TANC2: variants seen among roughly 807,000 people sequenced by gnomAD.
TANC2 encodes tetratricopeptide repeat, ankyrin repeat and coiled-coil containing 2.
A neutral mutation model predicts 210.5 loss-of-function variants in TANC2; 26 were observed. The observed-to-expected ratio is 0.12, with a 90% CI of 0.09 to 0.17. The LOEUF is 0.17. TANC2 is among the 10% of genes least tolerant of loss of function. The probability of loss-of-function intolerance (pLI) is 1.00; values close to 1 mark genes in which losing one functional copy is unlikely to be tolerated. For synonymous variants in TANC2, 931 were observed against 967.1 expected, an observed-to-expected ratio of 0.96 and a Z score of 0.69; for missense variants, 2,129 against 2,608.9, an observed-to-expected ratio of 0.82 and a Z score of 4.01.
At chr17:63,039,496 C>T (rs1032719514) in intron 2 of TANC2, among the ~76,000 whole-genome samples, 1 of 152,122 alleles carries the variant, frequency 6.6e-6, no homozygotes, top group Non-Finnish European at 1.5e-5. Context: ...GGTTTGAGTG[C>T]GTTCAATATA....
Position 63,099,368 on chromosome 17 carries a change from T to TACCTAAATTTAGTATGTTTAACAGGAA in TANC2, c.322+18_322+44dup. On this transcript the variant is annotated intron_variant, in intron 4 of 27. Transcript: ENST00000689528. ...TGAAGAAGTTAACTGGTAAGGACTT[T>TACCTAAATTTAGTATGTTTAACAGGAA]ACCTAAATTTAGTATGTTTAACAGG... is the stretch of plus-strand genomic sequence containing the variant. 2.0e-6 allele frequency: 3 copies of TACCTAAATTTAGTATGTTTAACAGGAA among 1,482,302 alleles called. No homozygotes were observed. The highest frequency in any genetic ancestry group is 2.7e-6 in the Non-Finnish European group (3 of 1,106,662). The allele number at this position is 1,482,302 out of a possible 1,614,324, so 91.8% of individuals were successfully genotyped here. A position where few individuals can be genotyped will look rare whatever the true frequency, so the allele number is the denominator to read the frequency against.
intron 1 of TANC2, among the ~76,000 whole-genome samples, chr17:63,002,924 A>T (rs992568400): frequency 1.3e-5 from 2 of 152,196 alleles, no homozygotes; most frequent in East Asian, 3.9e-4. Flanking sequence ...TAAATCTGTT[A>T]TGAAAATTGT....
chr17:63,168,063 T>A (rs746348227), intron 5 of TANC2, among the ~76,000 whole-genome samples: 1 of 152,186 alleles, frequency 6.6e-6, no homozygotes, highest in Admixed American at 6.5e-5. Flanking sequence ...CCTAGGTGAG[T>A]TAATTTTTAA....
chr17:63,188,536 T>G (rs1046686075), intron 5 of TANC2, among the ~76,000 whole-genome samples: 2 of 145,034 alleles, frequency 1.4e-5, no homozygotes, highest in African/African-American at 5.2e-5. Flanking sequence ...GAGGTTGCAG[T>G]GAGCTGAGCC....
chr17:63,393,038 A>T (rs1301965121), intron 17 of TANC2, among the ~76,000 whole-genome samples: 1 of 152,186 alleles, frequency 6.6e-6, no homozygotes, highest in African/African-American at 2.4e-5. Context: ...TCATTTTTGC[A>T]TTAGAGAATC....
intron 5 of TANC2, among the ~76,000 whole-genome samples, chr17:63,167,028 G>A (rs1193064962): frequency 6.6e-6 from 1 of 152,194 alleles, no homozygotes; most frequent in African/African-American, 2.4e-5. Context: ...TATGAATGGA[G>A]AAAGAAAGCA....
At chr17:63,135,113 G>C (rs536455038) in intron 4 of TANC2, among the ~76,000 whole-genome samples, 1 of 152,246 alleles carries the variant, frequency 6.6e-6, no homozygotes, top group East Asian at 1.9e-4. Context: ...CTACTTGGGA[G>C]GCTGAGATGG....
intron 12 of TANC2, among the ~76,000 whole-genome samples, chr17:63,343,593 G>A (rs1424522054): frequency 6.6e-6 from 1 of 152,218 alleles, no homozygotes; most frequent in Non-Finnish European, 1.5e-5. Context: ...ATAGCAGCTA[G>A]TATGGTAACT....
chr17:63,201,006 A>G, intron 7 of TANC2, 49 bp downstream of exon 7: 3 of 1,515,418 alleles, frequency 2.0e-6, no homozygotes, highest in Non-Finnish European at 2.7e-6. Context: ...TTTCCTTTTT[A>G]AAATAATTAC....
intron 5 of TANC2, among the ~76,000 whole-genome samples, chr17:63,178,290 G>A (rs1229280016): frequency 6.6e-6 from 1 of 152,062 alleles, no homozygotes; most frequent in African/African-American, 2.4e-5. Context: ...CCGAGATCGC[G>A]CCACTGCACT....
chr17:63,370,952 G>A lies in TANC2; in HGVS notation c.2583-8766G>A, dbSNP rs1331343043. Among the ~76,000 whole-genome samples, 4 of 152,214 alleles carry A rather than the reference G, an allele frequency of 2.6e-5. No individual in the cohort carries two copies. The East Asian group carries it at 7.7e-4, about 29-fold the overall frequency. On this transcript the variant is annotated intron_variant, in intron 14 of 27. Transcript: ENST00000689528. ...AACAAGAACTCTTGACTTGGAAGGC[G>A]AGCACAATCTTTGGAGGCCGCCAGC...
At chr17:63,181,023 C>CAAAAA (rs1171748208) in intron 5 of TANC2, among the ~76,000 whole-genome samples, 2 of 30,668 alleles carry the variant, frequency 6.5e-5, no homozygotes, top group Non-Finnish European at 1.3e-4. Context: ...GACTCCATCT[C>CAAAAA]AAAAAAAAAA....
chr17:63,314,632 A>T, exon 10 of TANC2: 2 of 1,613,982 alleles, frequency 1.2e-6, no homozygotes, highest in Non-Finnish European at 1.7e-6. Context: ...CAAGGATGAG[A>T]CAGATCGCCT....
At chr17:63,288,076 C>G (rs2044279294) in intron 9 of TANC2, among the ~76,000 whole-genome samples, 1 of 152,124 alleles carries the variant, frequency 6.6e-6, no homozygotes, top group South Asian at 2.1e-4. Flanking sequence ...TTGGATAGAT[C>G]TTTTCTCAGC....
intron 1 of TANC2, among the ~76,000 whole-genome samples, chr17:63,002,529 G>A (rs1240647246): frequency 6.6e-6 from 1 of 152,084 alleles, no homozygotes; most frequent in Non-Finnish European, 1.5e-5. Flanking sequence ...ATTTAAGCAT[G>A]AATATCATTA....
At chr17:63,063,479 C>T (rs1389537702) in intron 2 of TANC2, among the ~76,000 whole-genome samples, 1 of 151,814 alleles carries the variant, frequency 6.6e-6, no homozygotes, top group Non-Finnish European at 1.5e-5. Flanking sequence ...ACTCCCGTCA[C>T]CCAGGAAATT....
intron 14 of TANC2, among the ~76,000 whole-genome samples, chr17:63,373,051 C>T (rs1320377627): frequency 2.0e-5 from 3 of 151,878 alleles, no homozygotes; most frequent in Non-Finnish European, 4.4e-5. Flanking sequence ...CATGCCACCA[C>T]ACCCGCCTAA....
intron 2 of TANC2, among the ~76,000 whole-genome samples, chr17:63,037,988 T>G (rs950891383): frequency 6.6e-6 from 1 of 152,192 alleles, no homozygotes; most frequent in African/African-American, 2.4e-5. Context: ...TTTTATTTGT[T>G]CCTTTCCAGT....
At chr17:63,158,504 G>A (rs2039914881) in intron 5 of TANC2, among the ~76,000 whole-genome samples, 1 of 152,176 alleles carries the variant, frequency 6.6e-6, no homozygotes, top group Admixed American at 6.5e-5. Context: ...GTTTTGACAC[G>A]CAAGAAGCTG....
Sources: gnomAD v4.1 joint callset for allele counts (sites outside exome capture counted in the v4.1 genomes callset) on GRCh38, gnomAD v4.1.1 for gene constraint, MANE v1.5 for transcripts, NCBI Gene and HGNC (gene_info 2026-07-23, HGNC 2026-07-21) for gene names.